Variants in RIT2 observed in about 807,000 individuals in gnomAD.
The protein encoded by RIT2 is Ras like without CAAX 2, also known as GTP-binding protein Rit2.
In RIT2, 24 loss-of-function variants were observed where a neutral mutation model predicts 23.7. The observed-to-expected ratio is 1.01, with a 90% CI of 0.73 to 1.43. RIT2 has a LOEUF of 1.43. Among genes scored for constraint, RIT2 ranks in the 40% most tolerant of loss-of-function variants. The pLI is 0.00. For missense variants in RIT2, 236 were observed against 266.9 expected (o/e 0.88, Z 0.81); for synonymous variants, 107 against 91.1 (o/e 1.17, Z -0.99).
At chr18:42,842,230 A>G (rs904643020) in intron 4 of RIT2, among the ~76,000 whole-genome samples, 1 of 152,168 alleles carries the variant, frequency 6.6e-6, no homozygotes, top group African/African-American at 2.4e-5. Context: ...CCATTTATAT[A>G]TCACTCACAA....
At chr18:42,802,168 T>C (rs1247331424) in intron 4 of RIT2, among the ~76,000 whole-genome samples, 4 of 152,208 alleles carry the variant, frequency 2.6e-5, no homozygotes, top group African/African-American at 9.6e-5. Flanking sequence ...GCATGAATTT[T>C]AATTAGGATT....
At chr18:43,026,630 AAGAAAGAGAG>A (rs1911736424) in intron 2 of RIT2, among the ~76,000 whole-genome samples, 1 of 94,484 alleles carries the variant, frequency 1.1e-5, no homozygotes. Context: ...GAAAGAAAGA[AAGAAAGAGAG>A]AAAGAAGGAA....
chr18:43,108,347 C>CGTGTGTGT (rs138256652), intron 1 of RIT2, among the ~76,000 whole-genome samples: 6 of 149,300 alleles, frequency 4.0e-5, no homozygotes, highest in African/African-American at 1.2e-4. Flanking sequence ...GGCCATATTA[C>CGTGTGTGT]GTGTGTGTGT....
chr18:43,066,641 T>C (rs1912777043), intron 1 of RIT2, among the ~76,000 whole-genome samples: 1 of 152,126 alleles, frequency 6.6e-6, no homozygotes, highest in South Asian at 2.1e-4. Flanking sequence ...AAGTCCTCTA[T>C]ACATATAAGC....
chr18:43,023,075 C>T (rs1016739291), intron 2 of RIT2, among the ~76,000 whole-genome samples: 1 of 152,146 alleles, frequency 6.6e-6, no homozygotes, highest in Non-Finnish European at 1.5e-5. Flanking sequence ...TTAAAACTTT[C>T]AGTTCTCTTA....
At chr18:42,856,843 T>G (rs1907196968) in intron 4 of RIT2, among the ~76,000 whole-genome samples, 1 of 148,960 alleles carries the variant, frequency 6.7e-6, no homozygotes, top group South Asian at 2.1e-4. Context: ...TTTTTTTTTT[T>G]TTTTGAGACG....
At chr18:42,762,257 C>T (rs529607447) in intron 4 of RIT2, among the ~76,000 whole-genome samples, 33 of 152,232 alleles carry the variant, frequency 2.2e-4, no homozygotes, top group African/African-American at 6.0e-4. Context: ...GTCTTCTATT[C>T]ATTGTTTTAT....
chr18:42,821,670 A>G (rs1214337617), intron 4 of RIT2, among the ~76,000 whole-genome samples: 1 of 152,136 alleles, frequency 6.6e-6, no homozygotes, highest in African/African-American at 2.4e-5. Context: ...TCAATTGTTT[A>G]GTTTGGAATA....
At chr18:43,050,720 C>T (rs1461442506) in intron 1 of RIT2, among the ~76,000 whole-genome samples, 3 of 151,872 alleles carry the variant, frequency 2.0e-5, no homozygotes, top group African/African-American at 7.3e-5. Context: ...AGGTTCCTGC[C>T]CAATACCTGA....
At chr18:42,810,908 T>C (rs915240242) in intron 4 of RIT2, among the ~76,000 whole-genome samples, 12 of 152,052 alleles carry the variant, frequency 7.9e-5, no homozygotes, top group African/African-American at 2.9e-4. Context: ...GCTCTCTAAA[T>C]CTGAACTTGA....
intron 1 of RIT2, among the ~76,000 whole-genome samples, chr18:43,104,201 A>T (rs936221412): frequency 1.3e-5 from 2 of 152,208 alleles, no homozygotes; most frequent in African/African-American, 4.8e-5. Context: ...GATAAATACC[A>T]AAAGTTCTCA....
chr18:42,908,178 G>C (rs1908674018), intron 4 of RIT2, among the ~76,000 whole-genome samples: 1 of 150,318 alleles, frequency 6.7e-6, no homozygotes, highest in African/African-American at 2.4e-5. Flanking sequence ...CTTAATAGTA[G>C]AGTGGAAAAG....
intron 4 of RIT2, among the ~76,000 whole-genome samples, chr18:42,809,173 G>C (rs1905769949): frequency 6.6e-6 from 1 of 152,072 alleles, no homozygotes; most frequent in Non-Finnish European, 1.5e-5. Flanking sequence ...AAAATCATCT[G>C]ATTTGAGTCA....
Position 42,946,404 on chromosome 18 carries a change from C to A in RIT2, c.235-22641G>T, listed in dbSNP as rs181683254. On this transcript the variant is annotated intron_variant, in intron 3 of 4. Coordinates refer to ENST00000326695, the MANE Select transcript of RIT2 (RefSeq NM_002930.4). ...TGTTACAATTCTATTAAAGACAACA[C>A]AAAATTCTCGTGTTCAGGAGGCAGT... is the stretch of plus-strand genomic sequence containing the variant. Among the ~76,000 whole-genome samples, 5 of 152,104 alleles carry A rather than the reference C, an allele frequency of 3.3e-5. No individual in the cohort carries two copies. The East Asian group carries it at 7.8e-4, about 24-fold the overall frequency.
chr18:43,019,209 A>C lies in RIT2; in HGVS notation c.160+14602T>G, dbSNP rs191473758. 6.0e-3 allele frequency among the ~76,000 whole-genome samples: 906 copies of C among 152,064 alleles called. 5 individuals carry two copies. Among genetic ancestry groups the C allele is most frequent in the African/African-American group, 0.02 (851 of 41,532 alleles). The stretch of plus-strand genomic sequence containing the variant: ...ATAAAGGGATAGAAAAAAATACCCC[A>C]AGCATATCAAAACCAGAATAAGCAA... On this transcript the variant is annotated intron_variant, in intron 2 of 4. Coordinates refer to ENST00000326695, the MANE Select transcript of RIT2 (RefSeq NM_002930.4).
At position 42,983,610 on chromosome 18, in the gene RIT2, A is replaced by G. The variant is rs546200962; in HGVS notation, c.161-9463T>C. The stretch of plus-strand genomic sequence containing the variant: ...ATTTGAAAATCACATATTTGACAAA[A>G]AACTCATGTTTAACATATATAAATA... On this transcript the variant is annotated intron_variant, in intron 2 of 4. Coordinates refer to ENST00000326695, the MANE Select transcript of RIT2 (RefSeq NM_002930.4). Among the ~76,000 whole-genome samples, 178 of 152,204 alleles carry G rather than the reference A, an allele frequency of 1.2e-3. 2 individuals carry two copies. The highest frequency in any genetic ancestry group is 1.3e-3 in the Non-Finnish European group (90 of 67,950).
At chr18:42,826,001 CTT>C (rs1434018203) in intron 4 of RIT2, among the ~76,000 whole-genome samples, 11 of 151,978 alleles carry the variant, frequency 7.2e-5, no homozygotes, top group African/African-American at 2.7e-4. Context: ...TTTGACATCT[CTT>C]TGTAAATTAA....
At chr18:42,925,991 C>T (rs978885448) in intron 3 of RIT2, among the ~76,000 whole-genome samples, 2 of 151,488 alleles carry the variant, frequency 1.3e-5, no homozygotes, top group African/African-American at 4.8e-5. Context: ...ATTTAGATGG[C>T]CTCCTTTTAT....
intron 2 of RIT2, among the ~76,000 whole-genome samples, chr18:43,015,959 T>C (rs1176558767): frequency 2.0e-5 from 3 of 151,836 alleles, no homozygotes; most frequent in Non-Finnish European, 4.4e-5. Context: ...TATGGCCTCA[T>C]ATATTCAACT....
Sources: gnomAD v4.1 joint callset for allele counts (sites outside exome capture counted in the v4.1 genomes callset) on GRCh38, gnomAD v4.1.1 for gene constraint, MANE v1.5 for transcripts, NCBI Gene and HGNC (gene_info 2026-07-23, HGNC 2026-07-21) for gene names.